Variants in GPR137B observed in about 807,000 individuals in gnomAD.
The protein encoded by GPR137B is integral membrane protein GPR137B.
A neutral mutation model predicts 42.5 loss-of-function variants in GPR137B; 42 were observed. The observed-to-expected ratio is 0.99, with a 90% CI of 0.77 to 1.28. GPR137B has a LOEUF of 1.28. Among genes scored for constraint, GPR137B ranks in the 50% most tolerant of loss-of-function variants. GPR137B has a pLI of 0.00. For synonymous variants in GPR137B, 218 were observed against 209.7 expected (o/e 1.04, Z -0.34); for missense variants, 487 against 493.9 (o/e 0.99, Z 0.13).
chr1:236,196,321 G>A (rs1011980210), intron 5 of GPR137B, among the ~76,000 whole-genome samples: 2 of 151,896 alleles, frequency 1.3e-5, no homozygotes, highest in Admixed American at 1.3e-4. Flanking sequence ...TGTATTTTTG[G>A]TATAGATGGG....
chr1:236,190,192 T>C (rs1663153670), intron 5 of GPR137B, among the ~76,000 whole-genome samples: 1 of 149,832 alleles, frequency 6.7e-6, no homozygotes, highest in African/African-American at 2.5e-5. Flanking sequence ...TGGTAAATAT[T>C]CCTCCGTCCC....
chr1:236,167,735 C>T (rs1467599286), intron 1 of GPR137B, among the ~76,000 whole-genome samples: 1 of 152,194 alleles, frequency 6.6e-6, no homozygotes, highest in Non-Finnish European at 1.5e-5. Context: ...ACCCTAGTCC[C>T]CAGAGACCCC....
At chr1:236,188,663 T>C (rs193117734) in intron 5 of GPR137B, among the ~76,000 whole-genome samples, 19 of 152,340 alleles carry the variant, frequency 1.2e-4, no homozygotes, top group African/African-American at 4.6e-4. Context: ...ATCCCAGATA[T>C]GAAGCTGACT....
rs1035615783 is a variant in GPR137B at position 236,182,820 on chromosome 1, A to T, written c.838-958A>T. On this transcript the variant is annotated intron_variant, in intron 4 of 6. Coordinates refer to ENST00000366592, the MANE Select transcript of GPR137B (RefSeq NM_003272.4). The stretch of plus-strand genomic sequence containing the variant: ...CAATCTTTAAAATTCTTCTATTTTT[A>T]TGGGATATTTATGGTTATCTAGATG... Among the ~76,000 whole-genome samples, 3 of 152,152 alleles carry T rather than the reference A, an allele frequency of 2.0e-5. 1 individual carries two copies. The South Asian group carries it at 6.2e-4, about 32-fold the overall frequency.
Position 236,168,372 on chromosome 1 carries a change from G to A in GPR137B, c.415-334G>A, listed in dbSNP as rs563575532. ...CGGGAGGCAGAGGTTGCAGTGAGCC[G>A]AGATGGCGCCATTGCACTCCAGCTC... On this transcript the variant is annotated intron_variant, in intron 1 of 6. Coordinates refer to ENST00000366592, the MANE Select transcript of GPR137B (RefSeq NM_003272.4). 4.0e-5 allele frequency among the ~76,000 whole-genome samples: 6 copies of A among 150,516 alleles called. No homozygotes were observed. The South Asian group carries it at 6.3e-4, about 16-fold the overall frequency.
At chr1:236,190,141 G>GCTGCTT (rs1663145066) in intron 5 of GPR137B, among the ~76,000 whole-genome samples, 1 of 119,118 alleles carries the variant, frequency 8.4e-6, no homozygotes, top group African/African-American at 3.8e-5. Flanking sequence ...TGCAACTCCT[G>GCTGCTT]CTTCTTCTTT....
intron 1 of GPR137B, among the ~76,000 whole-genome samples, chr1:236,145,561 G>A (rs1661660534): frequency 6.6e-6 from 1 of 152,196 alleles, no homozygotes; most frequent in Admixed American, 6.5e-5. Flanking sequence ...GTTTCACCAT[G>A]TTGACCAGGA....
At chr1:236,169,491 A>C (rs1408928943) in intron 2 of GPR137B, among the ~76,000 whole-genome samples, 1 of 152,240 alleles carries the variant, frequency 6.6e-6, no homozygotes, top group Non-Finnish European at 1.5e-5. Context: ...TGGACACTCT[A>C]TATTTGTAAC....
chr1:236,148,222 G>C (rs1321543705), intron 1 of GPR137B, among the ~76,000 whole-genome samples: 1 of 152,230 alleles, frequency 6.6e-6, no homozygotes, highest in Non-Finnish European at 1.5e-5. Flanking sequence ...TCTACCTCCA[G>C]GTTTCAGGAT....
At chr1:236,202,185 G>A (rs1034171594) in intron 5 of GPR137B, among the ~76,000 whole-genome samples, 31 of 152,102 alleles carry the variant, frequency 2.0e-4, no homozygotes, top group African/African-American at 7.3e-4. Flanking sequence ...AAAGACCTTG[G>A]TTGTAAGTAT....
intron 5 of GPR137B, among the ~76,000 whole-genome samples, chr1:236,203,310 C>T (rs1200239781): frequency 6.6e-6 from 1 of 152,118 alleles, no homozygotes; most frequent in East Asian, 1.9e-4. Flanking sequence ...ATCTCCTGAC[C>T]TCATGATCTG....
At chr1:236,168,424 G>C (rs891362184) in intron 1 of GPR137B, among the ~76,000 whole-genome samples, 41 of 85,592 alleles carry the variant, frequency 4.8e-4, no homozygotes, top group Non-Finnish European at 8.2e-4. Flanking sequence ...ATTCTGTCTC[G>C]AAAAAAAAAA....
In GPR137B at chr1:236,150,521, A is replaced by G. The variant is rs1289752545; in HGVS notation, c.414+7485A>G. ...ATCAGTGCCTCGGTGATGCCCTGCC[A>G]ACCGAGGGGGAACTAAATCCTGTTA... On this transcript the variant is annotated intron_variant, in intron 1 of 6. Coordinates refer to ENST00000366592, the MANE Select transcript of GPR137B (RefSeq NM_003272.4). The surrounding 1 kb of genome is among the most constrained non-coding windows in gnomAD (Gnocchi z 6.2). 6.6e-6 allele frequency among the ~76,000 whole-genome samples: 1 copy of G among 152,084 alleles called. No homozygotes were observed. Among genetic ancestry groups the G allele is most frequent in the Non-Finnish European group, 1.5e-5 (1 of 68,018 alleles).
At chr1:236,181,911 T>TTTTTTTTTTTG (rs1571992256) in intron 4 of GPR137B, among the ~76,000 whole-genome samples, 3 of 149,126 alleles carry the variant, frequency 2.0e-5, no homozygotes, top group African/African-American at 7.6e-5. Flanking sequence ...TTTTTTTTTT[T>TTTTTTTTTTTG]GAGACGGAGT....
chr1:236,162,680 T>C (rs552827558), intron 1 of GPR137B, among the ~76,000 whole-genome samples: 141 of 152,238 alleles, frequency 9.3e-4, no homozygotes, highest in African/African-American at 3.2e-3. Context: ...CTTCAGAGGG[T>C]GGAAGCCCCA....
Position 236,208,728 on chromosome 1 carries a change from G to A in GPR137B, c.*570G>A. On this transcript the variant is annotated 3_prime_UTR_variant, in exon 7 of 7. Coordinates refer to ENST00000366592, the MANE Select transcript of GPR137B (RefSeq NM_003272.4). ...AAATGGTAAAGCAGCAGACTGTAAG[G>A]TCTTTAGAGATTTTTTTTTTAAGGT... 2.0e-6 allele frequency: 2 copies of A among 984,462 alleles called. No individual in the cohort carries two copies. The highest frequency in any genetic ancestry group is 2.4e-6 in the Non-Finnish European group (2 of 829,374). The allele number at this position is 984,462 out of a possible 1,614,324, so 61.0% of individuals were successfully genotyped here.
At chr1:236,149,537 G>A (rs1571957733) in intron 1 of GPR137B, among the ~76,000 whole-genome samples, 1 of 152,220 alleles carries the variant, frequency 6.6e-6, no homozygotes, top group East Asian at 1.9e-4. Context: ...AAAGGGACGT[G>A]GGTGATTGTA....
chr1:236,194,099 G>T (rs1220788595), intron 5 of GPR137B, among the ~76,000 whole-genome samples: 2 of 152,152 alleles, frequency 1.3e-5, no homozygotes, highest in East Asian at 3.8e-4. Context: ...AATCTCTCAA[G>T]ATGTATAGAG....
chr1:236,204,423 G>A (rs1298118110), intron 5 of GPR137B, among the ~76,000 whole-genome samples: 1 of 152,124 alleles, frequency 6.6e-6, no homozygotes, highest in Non-Finnish European at 1.5e-5. Flanking sequence ...GAGTGTAGAA[G>A]TACTCCCTCT....
Sources: gnomAD v4.1 joint callset for allele counts (sites outside exome capture counted in the v4.1 genomes callset) on GRCh38, gnomAD v4.1.1 for gene constraint, Gnocchi (gnomAD v3.1) non-coding constraint, MANE v1.5 for transcripts, NCBI Gene and HGNC (gene_info 2026-07-23, HGNC 2026-07-21) for gene names.